ROR1: variants seen among roughly 807,000 people sequenced by gnomAD.
ROR1 encodes the protein inactive tyrosine-protein kinase transmembrane receptor ROR1.
Under a neutral mutation model 78.8 loss-of-function variants are expected in ROR1, and 19 were observed. The observed-to-expected ratio is 0.24, with a 90% CI of 0.17 to 0.35. The LOEUF is 0.35. Ranked by LOEUF, ROR1 falls within the 10% of genes least tolerant of loss-of-function variation. The pLI is 1.00. For synonymous variants in ROR1, 386 were observed against 433.6 expected (o/e 0.89, Z 1.36); for missense variants, 917 against 1,177.8 (o/e 0.78, Z 3.24).
At chr1:63,903,632 T>C (rs1645503360) in intron 1 of ROR1, among the ~76,000 whole-genome samples, 1 of 152,112 alleles carries the variant, frequency 6.6e-6, no homozygotes, top group Non-Finnish European at 1.5e-5. Flanking sequence ...AGGTGCTCAG[T>C]CTCATTTGTT....
rs183285051 is a variant in ROR1 at position 63,975,341 on chromosome 1, G to A, written c.92-33964G>A. Among the ~76,000 whole-genome samples, 315 of 152,260 alleles carry A rather than the reference G, an allele frequency of 2.1e-3. 2 individuals are homozygous for A. Among genetic ancestry groups the A allele is most frequent in the Admixed American group, 0.012 (176 of 15,298 alleles). On this transcript the variant is annotated intron_variant, in intron 1 of 8. Transcript: ENST00000371079. ...TATATCTTGTTAATAGAATCATGCT[G>A]GCACTGGACTGAAGAGATTCATGAT...
chr1:63,816,089 G>C (rs536110732), intron 1 of ROR1, among the ~76,000 whole-genome samples: 18 of 152,308 alleles, frequency 1.2e-4, no homozygotes, highest in African/African-American at 3.4e-4. Context: ...CCAAACATTT[G>C]CTGTGTGCCC....
Position 64,071,160 on chromosome 1 carries a change from C to T in ROR1, c.482+20444C>T, listed in dbSNP as rs575152121. Among the ~76,000 whole-genome samples, 108 of 152,224 alleles carry T rather than the reference C, an allele frequency of 7.1e-4. 3 individuals carry two copies. The highest frequency in any genetic ancestry group is 3.3e-4 in the Admixed American group (5 of 15,290). On this transcript the variant is annotated intron_variant, in intron 4 of 8. Coordinates refer to ENST00000371079, the MANE Select transcript of ROR1 (RefSeq NM_005012.4). The stretch of plus-strand genomic sequence containing the variant: ...AGGTTAGAAAGGCGAGCAGGAGCTA[C>T]GCGTTACTTAGCTGTGCAAGCCAGT...
chr1:64,134,635 T>C (rs555800753), intron 4 of ROR1, among the ~76,000 whole-genome samples: 3 of 152,280 alleles, frequency 2.0e-5, no homozygotes, highest in African/African-American at 7.2e-5. Flanking sequence ...ACCTGATAGG[T>C]TTCTTTAAGC....
At position 64,136,179 on chromosome 1, in the gene ROR1, T is replaced by A. The variant is rs191709639; in HGVS notation, c.483-1190T>A. ...ATGGGATCATAATGACTTTCCCATGTAGGGCAGAGAAGTCAGTTACTGTGT... is the reference window on the plus strand; with the variant it reads ...ATGGGATCATAATGACTTTCCCATGAAGGGCAGAGAAGTCAGTTACTGTGT... On this transcript the variant is annotated intron_variant, in intron 4 of 8. Transcript: ENST00000371079. 3.3e-5 allele frequency among the ~76,000 whole-genome samples: 5 copies of A among 152,292 alleles called. No homozygotes were observed. The East Asian group carries it at 9.7e-4, about 29-fold the overall frequency.
chr1:64,124,476 T>G (rs1648646244), intron 4 of ROR1, among the ~76,000 whole-genome samples: 1 of 152,118 alleles, frequency 6.6e-6, no homozygotes, highest in Non-Finnish European at 1.5e-5. Flanking sequence ...GGTTTTTTCC[T>G]GCTCCTTCCA....
chr1:64,157,356 C>T (rs763251728), intron 7 of ROR1, among the ~76,000 whole-genome samples: 1 of 152,026 alleles, frequency 6.6e-6, no homozygotes, highest in South Asian at 2.1e-4. Flanking sequence ...CTAGGCTGGT[C>T]TCAAATTCCT....
intron 7 of ROR1, among the ~76,000 whole-genome samples, chr1:64,158,296 T>C (rs1033622061): frequency 3.3e-5 from 5 of 152,228 alleles, no homozygotes; most frequent in African/African-American, 7.2e-5. Flanking sequence ...AGTGCTGCCA[T>C]GCTGGAAGGA....
intron 4 of ROR1, among the ~76,000 whole-genome samples, chr1:64,070,111 CCAAATGA>C (rs1473476253): frequency 1.3e-5 from 2 of 152,170 alleles, no homozygotes; most frequent in African/African-American, 2.4e-5. Flanking sequence ...TGTCCAGGAT[CCAAATGA>C]CAATTCATAT....
intron 1 of ROR1, among the ~76,000 whole-genome samples, chr1:63,963,586 CA>C (rs398053056): frequency 1.1e-3 from 131 of 122,086 alleles, no homozygotes; most frequent in South Asian, 6.2e-3. Context: ...CAAAACAAAA[CA>C]AAAAAAAAAA....
intron 1 of ROR1, among the ~76,000 whole-genome samples, chr1:63,857,865 A>G (rs1018043295): frequency 3.3e-5 from 5 of 152,224 alleles, no homozygotes; most frequent in Admixed American, 6.5e-5. Context: ...CATCCTGCAC[A>G]GTTGGCATGA....
At chr1:63,788,921 C>T in intron 1 of ROR1, 1 of 857,302 alleles carries the variant, frequency 1.2e-6, no homozygotes, top group Non-Finnish European at 1.9e-6. Flanking sequence ...ACACGTTCCC[C>T]TTAACCTTCA....
chr1:64,127,452 T>C (rs1648748855), intron 4 of ROR1, among the ~76,000 whole-genome samples: 2 of 151,862 alleles, frequency 1.3e-5, no homozygotes, highest in Admixed American at 1.3e-4. Flanking sequence ...TTCTCTTTCC[T>C]CTGTGTGTGT....
chr1:63,995,965 G>C (rs1427338060), intron 1 of ROR1, among the ~76,000 whole-genome samples: 1 of 152,022 alleles, frequency 6.6e-6, no homozygotes, highest in Non-Finnish European at 1.5e-5. Context: ...GATACAGGGA[G>C]GAATAAATTG....
intron 7 of ROR1, among the ~76,000 whole-genome samples, chr1:64,144,720 G>A (rs185983700): frequency 1.6e-4 from 24 of 152,274 alleles, no homozygotes; most frequent in South Asian, 8.3e-4. Context: ...CAGGTCAGCC[G>A]GATTCCCAAA....
chr1:63,798,633 T>A (rs1407953823), intron 1 of ROR1, among the ~76,000 whole-genome samples: 2 of 152,214 alleles, frequency 1.3e-5, no homozygotes, highest in South Asian at 2.1e-4. Flanking sequence ...TCCCCAGCCC[T>A]GATCACACAT....
intron 4 of ROR1, among the ~76,000 whole-genome samples, chr1:64,079,799 T>G (rs761714678): frequency 2.0e-5 from 3 of 151,636 alleles, no homozygotes; most frequent in Non-Finnish European, 4.4e-5. Context: ...GAATTTTCAG[T>G]AAGATTTATG....
At chr1:63,855,842 A>G (rs1327203539) in intron 1 of ROR1, among the ~76,000 whole-genome samples, 1 of 151,140 alleles carries the variant, frequency 6.6e-6, no homozygotes. Context: ...TATTTTTAGT[A>G]GAGACGGCGT....
At chr1:64,011,918 G>C (rs1158402417) in intron 2 of ROR1, among the ~76,000 whole-genome samples, 1 of 152,208 alleles carries the variant, frequency 6.6e-6, no homozygotes, top group Non-Finnish European at 1.5e-5. Context: ...TATTTGGAAA[G>C]ACTGATAGCT....
Sources: gnomAD v4.1 joint callset for allele counts (sites outside exome capture counted in the v4.1 genomes callset) on GRCh38, gnomAD v4.1.1 for gene constraint, MANE v1.5 for transcripts, NCBI Gene and HGNC (gene_info 2026-07-23, HGNC 2026-07-21) for gene names.